Variants in SLC9D1 observed in about 807,000 individuals in gnomAD.
SLC9D1 encodes the protein putative LAG1-interacting protein.
chr13:113,496,345 T>G, the SLC9D1 span, among the ~76,000 whole-genome samples: 18 of 152,372 alleles, frequency 1.2e-4, no homozygotes, highest in Admixed American at 1.2e-3. Flanking sequence ...CAAGTTGTAC[T>G]AGTAAACTGA....
At chr13:113,492,423 G>A in the SLC9D1 span, among the ~76,000 whole-genome samples, 22 of 152,320 alleles carry the variant, frequency 1.4e-4, no homozygotes, top group Admixed American at 4.6e-4. Flanking sequence ...GTAGCACCTT[G>A]CAAAACCATA....
the SLC9D1 span, among the ~76,000 whole-genome samples, chr13:113,493,394 C>T: frequency 6.6e-6 from 1 of 152,164 alleles, no homozygotes; most frequent in Non-Finnish European, 1.5e-5. Context: ...CTGGAAAATA[C>T]TAAAAGTTCA....
chr13:113,536,755 G>C, the SLC9D1 span: 1 of 168,496 alleles, frequency 5.9e-6, no homozygotes, highest in Non-Finnish European at 1.2e-5. Context: ...CTTAGGATTC[G>C]TTTCCATTTA....
the SLC9D1 span, chr13:113,529,993 G>A: frequency 6.6e-6 from 1 of 152,154 alleles, no homozygotes; most frequent in African/African-American, 2.4e-5. Flanking sequence ...TAGATAACAG[G>A]TAGATATACA....
the SLC9D1 span, among the ~76,000 whole-genome samples, chr13:113,496,182 GTGT>G: frequency 6.6e-6 from 1 of 152,212 alleles, no homozygotes; most frequent in African/African-American, 2.4e-5. Context: ...TGTCGCTCAG[GTGT>G]TGTCTTTCAC....
chr13:113,512,153 C>G, the SLC9D1 span, among the ~76,000 whole-genome samples: 1 of 129,584 alleles, frequency 7.7e-6, no homozygotes, highest in Non-Finnish European at 1.6e-5. Flanking sequence ...TATATACACT[C>G]GGAGTCGCGG....
At chr13:113,525,226 G>A in the SLC9D1 span, among the ~76,000 whole-genome samples, 1 of 152,300 alleles carries the variant, frequency 6.6e-6, no homozygotes, top group South Asian at 2.1e-4. Context: ...GTACAGCAGT[G>A]GTCGGGTGGG....
chr13:113,512,872 A>G, the SLC9D1 span, among the ~76,000 whole-genome samples: 27,269 of 150,420 alleles, frequency 0.18, 3,238 homozygotes, highest in African/African-American at 0.34. Flanking sequence ...GCCAGAGTGT[A>G]GATGGAGAGG....
chr13:113,505,413 G>T, the SLC9D1 span: 1 of 152,220 alleles, frequency 6.6e-6, no homozygotes, highest in Non-Finnish European at 1.5e-5. Flanking sequence ...CCTCCTCATT[G>T]TAAATTTTTA....
At chr13:113,542,836 A>G in the SLC9D1 span, among the ~76,000 whole-genome samples, 1 of 152,132 alleles carries the variant, frequency 6.6e-6, no homozygotes, top group Non-Finnish European at 1.5e-5. Flanking sequence ...TTATGTGGAA[A>G]TTTGAAGGCC....
the SLC9D1 span, among the ~76,000 whole-genome samples, chr13:113,543,191 C>CT: frequency 1.8e-5 from 1 of 56,550 alleles, no homozygotes; most frequent in Non-Finnish European, 3.1e-5. Context: ...CCTCCCCCTG[C>CT]CCCTCGCCCT....
the SLC9D1 span, among the ~76,000 whole-genome samples, chr13:113,516,191 A>G: frequency 6.6e-6 from 1 of 152,186 alleles, no homozygotes; most frequent in African/African-American, 2.4e-5. Flanking sequence ...CTGCCTGATC[A>G]TGGAAACTGG....
At chr13:113,541,660 G>GT in the SLC9D1 span, among the ~76,000 whole-genome samples, 1 of 132,848 alleles carries the variant, frequency 7.5e-6, no homozygotes, top group African/African-American at 2.9e-5. Flanking sequence ...CTTTATTACC[G>GT]CCGAGATGTG....
chr13:113,526,679 G>A, the SLC9D1 span, among the ~76,000 whole-genome samples: 20 of 152,286 alleles, frequency 1.3e-4, no homozygotes, highest in Admixed American at 3.9e-4. Context: ...TGATCATACC[G>A]CTGCTCTCCA....
At chr13:113,503,473 G>A in the SLC9D1 span, 1 of 1,559,966 alleles carries the variant, frequency 6.4e-7, no homozygotes, top group East Asian at 2.2e-5. Flanking sequence ...ACAATTATAT[G>A]GTTTTTCTTT....
chr13:113,515,270 A>G, the SLC9D1 span, among the ~76,000 whole-genome samples: 1 of 152,248 alleles, frequency 6.6e-6, no homozygotes, highest in African/African-American at 2.4e-5. Flanking sequence ...ATGTATTCAT[A>G]CATTGGAATG....
chr13:113,501,422 CATCCCGTTTTGT>C, the SLC9D1 span, among the ~76,000 whole-genome samples: 1 of 152,070 alleles, frequency 6.6e-6, no homozygotes, highest in African/African-American at 2.4e-5. Flanking sequence ...ATGCACATAC[CATCCCGTTTTGT>C]ATCAGAGACT....
At chr13:113,533,189 G>C in the SLC9D1 span, among the ~76,000 whole-genome samples, 1 of 146,088 alleles carries the variant, frequency 6.8e-6, no homozygotes, top group Admixed American at 7.1e-5. Context: ...CGTGGGCCCT[G>C]CAGCGAGCTC....
At chr13:113,496,807 A>G in the SLC9D1 span, among the ~76,000 whole-genome samples, 1 of 152,236 alleles carries the variant, frequency 6.6e-6, no homozygotes, top group Non-Finnish European at 1.5e-5. Flanking sequence ...TTTCAATAAC[A>G]CTGATTCATT....
Sources: gnomAD v4.1 joint callset for allele counts (sites outside exome capture counted in the v4.1 genomes callset) on GRCh38, gnomAD v4.1.1 for gene constraint, MANE v1.5 for transcripts, NCBI Gene and HGNC (gene_info 2026-07-23, HGNC 2026-07-21) for gene names.